Variants in COL23A1 observed in about 807,000 individuals in gnomAD.
COL23A1 encodes collagen type XXIII alpha 1 chain.
A neutral mutation model predicts 99.3 loss-of-function variants in COL23A1; 97 were observed. The observed-to-expected ratio is 0.98, with a 90% CI of 0.83 to 1.16. COL23A1 has a LOEUF of 1.16. COL23A1 is among the 50% of genes most tolerant of loss of function. The pLI is 0.00. For synonymous variants in COL23A1, 320 were observed against 308.2 expected, an observed-to-expected ratio of 1.04 and a Z score of -0.40; for missense variants, 762 against 757.4, an observed-to-expected ratio of 1.01 and a Z score of -0.07.
intron 2 of COL23A1, among the ~76,000 whole-genome samples, chr5:178,500,571 C>T (rs1169069694): frequency 6.7e-6 from 1 of 150,330 alleles, no homozygotes; most frequent in African/African-American, 2.4e-5. Flanking sequence ...CACCACTGTA[C>T]TCTAGGCTGG....
chr5:178,417,262 ACACT>A (rs1444922504), intron 2 of COL23A1, among the ~76,000 whole-genome samples: 2 of 152,184 alleles, frequency 1.3e-5, no homozygotes, highest in African/African-American at 2.4e-5. Context: ...GTAAACAGAC[ACACT>A]CACACAAAAC....
chr5:178,390,197 A>G (rs1432341525), intron 2 of COL23A1, among the ~76,000 whole-genome samples: 1 of 152,238 alleles, frequency 6.6e-6, no homozygotes, highest in African/African-American at 2.4e-5. Context: ...CAGGATGAAT[A>G]TATCATTTAC....
At chr5:178,564,744 T>TCC (rs1162135269) in intron 1 of COL23A1, among the ~76,000 whole-genome samples, 1 of 152,216 alleles carries the variant, frequency 6.6e-6, no homozygotes, top group Non-Finnish European at 1.5e-5. Context: ...GATACGTTTA[T>TCC]TAACGATCTG....
chr5:178,494,200 C>T (rs191093521), intron 2 of COL23A1, among the ~76,000 whole-genome samples: 407 of 152,320 alleles, frequency 2.7e-3, no homozygotes, highest in Admixed American at 4.4e-3. Flanking sequence ...AATCTTACAA[C>T]ATTCCTCTGA....
intron 1 of COL23A1, among the ~76,000 whole-genome samples, chr5:178,577,166 C>T (rs910067693): frequency 1.3e-5 from 2 of 152,182 alleles, no homozygotes; most frequent in African/African-American, 2.4e-5. Flanking sequence ...CTCTGCCGTC[C>T]GGGGATCCCG....
At chr5:178,470,767 A>T (rs2546635) in intron 2 of COL23A1, among the ~76,000 whole-genome samples, 123,568 of 152,066 alleles carry the variant, frequency 0.81, 51,200 homozygotes, top group Non-Finnish European at 0.9. Flanking sequence ...TTCCCATAAG[A>T]CACTGGACCC....
intron 2 of COL23A1, among the ~76,000 whole-genome samples, chr5:178,409,429 T>C (rs1289797911): frequency 1.3e-5 from 2 of 152,194 alleles, no homozygotes; most frequent in Non-Finnish European, 2.9e-5. Context: ...AGGTTGGAGA[T>C]GTTAGGAACA....
intron 8 of COL23A1, among the ~76,000 whole-genome samples, 186 bp downstream of exon 8, chr5:178,267,121 G>A (rs1363329064): frequency 6.6e-6 from 1 of 152,220 alleles, no homozygotes; most frequent in Non-Finnish European, 1.5e-5. Flanking sequence ...ACCTGCGCAA[G>A]AGGGGCAGCC....
intron 2 of COL23A1, among the ~76,000 whole-genome samples, chr5:178,382,113 G>A (rs183166132): frequency 1.3e-5 from 2 of 152,198 alleles, no homozygotes; most frequent in Admixed American, 6.5e-5. Flanking sequence ...GGAATGGGTG[G>A]GGCATTCTGG....
Position 178,456,558 on chromosome 5 carries a change from C to A in COL23A1, c.361+104124G>T, listed in dbSNP as rs181967953. 6.2e-3 allele frequency among the ~76,000 whole-genome samples: 940 copies of A among 152,202 alleles called. 13 individuals carry two copies. The highest frequency in any genetic ancestry group is 0.022 in the African/African-American group (897 of 41,536). On this transcript the variant is annotated intron_variant, in intron 2 of 28. Coordinates refer to ENST00000390654, the MANE Select transcript of COL23A1 (RefSeq NM_173465.4). ...TACTAAAAATACAAAATTAGCTGGG[C>A]GTGGTGGCGAATGCCTGTAATCCCA...
intron 2 of COL23A1, among the ~76,000 whole-genome samples, chr5:178,517,033 G>C (rs115858850): frequency 6.6e-6 from 1 of 152,150 alleles, no homozygotes; most frequent in Non-Finnish European, 1.5e-5. Context: ...CAGTGGGGAC[G>C]GGGCCTCCAG....
chr5:178,463,914 G>A (rs956829603), intron 2 of COL23A1, among the ~76,000 whole-genome samples: 1 of 152,108 alleles, frequency 6.6e-6, no homozygotes, highest in Admixed American at 6.5e-5. Flanking sequence ...GGCGTGCAGA[G>A]ACCTCAGGCT....
At chr5:178,254,649 C>T (rs1363010758) in intron 16 of COL23A1, among the ~76,000 whole-genome samples, 3 of 152,184 alleles carry the variant, frequency 2.0e-5, no homozygotes, top group Admixed American at 6.5e-5. Flanking sequence ...CCAGGAGACA[C>T]CGGTGGGAAC....
At chr5:178,239,305 C>G (rs978713239) in intron 27 of COL23A1, 126 bp from the exon 28 acceptor site, 6 of 1,055,284 alleles carry the variant, frequency 5.7e-6, no homozygotes, top group Non-Finnish European at 7.3e-6. Flanking sequence ...TGCTGGGCCC[C>G]ACTGAGGCAG....
chr5:178,345,124 T>A, intron 2 of COL23A1: 1 of 604,412 alleles, frequency 1.7e-6, no homozygotes, highest in Non-Finnish European at 3.2e-6. Flanking sequence ...AGGAAGATGG[T>A]CATCTAAAGT....
At chr5:178,383,210 G>C (rs904087405) in intron 2 of COL23A1, among the ~76,000 whole-genome samples, 1 of 151,422 alleles carries the variant, frequency 6.6e-6, no homozygotes, top group African/African-American at 2.4e-5. Context: ...ACTTTCCTAG[G>C]TGCTGCGGCT....
intron 2 of COL23A1, among the ~76,000 whole-genome samples, chr5:178,479,510 C>T (rs528548460): frequency 1.3e-5 from 2 of 152,202 alleles, no homozygotes; most frequent in African/African-American, 4.8e-5. Flanking sequence ...CTTTAATACA[C>T]CCCAGGAAGA....
At chr5:178,357,889 G>GA (rs1761789434) in intron 2 of COL23A1, among the ~76,000 whole-genome samples, 2 of 144,574 alleles carry the variant, frequency 1.4e-5, no homozygotes, top group African/African-American at 5.2e-5. Flanking sequence ...GTGTACGTGT[G>GA]TGTGTATGTG....
chr5:178,243,646 T>C (rs2127526669), intron 25 of COL23A1, among the ~76,000 whole-genome samples: 1 of 152,310 alleles, frequency 6.6e-6, no homozygotes, highest in Admixed American at 6.5e-5. Flanking sequence ...AGGGAAGGGC[T>C]GTTCTATCAC....
Sources: allele counts gnomAD v4.1 joint callset (sites outside exome capture counted in the v4.1 genomes callset), GRCh38; gene constraint gnomAD v4.1.1; transcripts MANE v1.5; gene names NCBI Gene and HGNC (gene_info 2026-07-23, HGNC 2026-07-21).